TENM3: variants seen among roughly 807,000 people sequenced by gnomAD.
The protein encoded by TENM3 is teneurin-3.
A neutral mutation model predicts 255.1 loss-of-function variants in TENM3; 63 were observed. That is an observed-to-expected ratio of 0.25 (90% CI 0.20 to 0.30). The LOEUF (loss-of-function observed/expected upper bound fraction) is 0.30. TENM3 is among the 10% of genes least tolerant of loss of function. The probability of loss-of-function intolerance (pLI) is 1.00; values close to 1 mark genes in which losing one functional copy is unlikely to be tolerated. For synonymous variants in TENM3, 1,306 were observed against 1,322.3 expected (o/e 0.99, Z 0.27); for missense variants, 2,929 against 3,461.1 (o/e 0.85, Z 3.86).
the TENM3 span, among the ~76,000 whole-genome samples, chr4:181,863,437 G>T: frequency 6.6e-6 from 1 of 152,178 alleles, no homozygotes; most frequent in South Asian, 2.1e-4. Context: ...AATAGGAAAT[G>T]TAATGTACAT....
chr4:182,618,201 G>A (rs1749730276), intron 4 of TENM3, among the ~76,000 whole-genome samples: 1 of 152,050 alleles, frequency 6.6e-6, no homozygotes, highest in Admixed American at 6.6e-5. Context: ...TCCCATTGAG[G>A]AAATGACTCA....
intron 1 of TENM3, among the ~76,000 whole-genome samples, chr4:182,290,886 T>C (rs1375976640): frequency 6.6e-6 from 1 of 151,586 alleles, no homozygotes; most frequent in African/African-American, 2.4e-5. Context: ...GGTGGCACAA[T>C]CTCTGTTCAC....
chr4:182,697,554 A>T (rs34195417), intron 12 of TENM3, among the ~76,000 whole-genome samples: 1 of 152,020 alleles, frequency 6.6e-6, no homozygotes, highest in Non-Finnish European at 1.5e-5. Context: ...GACAGAGGGG[A>T]TAGAGATCCC....
the TENM3 span, among the ~76,000 whole-genome samples, chr4:181,588,891 C>T: frequency 6.6e-6 from 1 of 152,142 alleles, no homozygotes; most frequent in African/African-American, 2.4e-5. Context: ...ATGTCAACCC[C>T]ATAGAGAGGA....
intron 3 of TENM3, among the ~76,000 whole-genome samples, chr4:182,506,664 A>G (rs987306316): frequency 6.6e-6 from 1 of 152,238 alleles, no homozygotes; most frequent in Admixed American, 6.5e-5. Context: ...TGTACTCCAA[A>G]TATATTTACA....
chr4:181,888,494 G>GTATATATA, the TENM3 span, among the ~76,000 whole-genome samples: 937 of 27,762 alleles, frequency 0.034, 26 homozygotes, highest in Non-Finnish European at 0.04. Flanking sequence ...ATAGAAATGT[G>GTATATATA]TATATATATA....
At chr4:182,635,879 T>C (rs1377231455) in intron 5 of TENM3, among the ~76,000 whole-genome samples, 2 of 152,232 alleles carry the variant, frequency 1.3e-5, no homozygotes, top group Admixed American at 6.5e-5. Flanking sequence ...AAATTGATTA[T>C]GGTAGTAGCT....
At chr4:182,301,485 T>C (rs1329826855) in intron 1 of TENM3, among the ~76,000 whole-genome samples, 1 of 152,210 alleles carries the variant, frequency 6.6e-6, no homozygotes, top group Non-Finnish European at 1.5e-5. Flanking sequence ...TTAATTGAGG[T>C]TAGCAAGAAA....
chr4:182,092,327 T>TATAA, the TENM3 span, among the ~76,000 whole-genome samples: 21,681 of 151,074 alleles, frequency 0.14, 1,638 homozygotes, highest in Non-Finnish European at 0.17. Context: ...AAATAGCCTG[T>TATAA]ATAAATAAAT....
the TENM3 span, among the ~76,000 whole-genome samples, chr4:181,977,512 T>C: frequency 6.6e-6 from 1 of 152,030 alleles, no homozygotes; most frequent in Non-Finnish European, 1.5e-5. Context: ...TTTGGAAAAA[T>C]GAAGAGACAG....
intron 3 of TENM3, among the ~76,000 whole-genome samples, chr4:182,411,510 G>A (rs1769983447): frequency 6.6e-6 from 1 of 152,180 alleles, no homozygotes; most frequent in African/African-American, 2.4e-5. Flanking sequence ...CTAAAATGCA[G>A]TTAAAAATGC....
At chr4:182,296,764 G>T (rs1200852278) in intron 1 of TENM3, among the ~76,000 whole-genome samples, 2 of 152,164 alleles carry the variant, frequency 1.3e-5, no homozygotes, top group Non-Finnish European at 2.9e-5. Context: ...TAAAACAAAA[G>T]AGCTCAATTT....
chr4:181,806,555 G>C, the TENM3 span, among the ~76,000 whole-genome samples: 34 of 152,302 alleles, frequency 2.2e-4, no homozygotes, highest in Non-Finnish European at 4.3e-4. Flanking sequence ...TTTTAAAAAG[G>C]GCTTCTTGGC....
the TENM3 span, among the ~76,000 whole-genome samples, chr4:181,746,654 A>T: frequency 0.77 from 117,153 of 151,924 alleles, 46,459 homozygotes; most frequent in East Asian, 0.94. Flanking sequence ...GACTCTGCTT[A>T]CTTAGGTACC....
At chr4:181,841,877 G>C in the TENM3 span, among the ~76,000 whole-genome samples, 534 of 152,246 alleles carry the variant, frequency 3.5e-3, 4 homozygotes, top group Middle Eastern at 0.02. Context: ...CCCCTTGAAT[G>C]TTAGCAGCAG....
chr4:182,087,697 G>A, the TENM3 span, among the ~76,000 whole-genome samples: 1 of 149,816 alleles, frequency 6.7e-6, no homozygotes, highest in Non-Finnish European at 1.5e-5. Flanking sequence ...CTCTCCATTC[G>A]GGGACACTTT....
the TENM3 span, among the ~76,000 whole-genome samples, chr4:181,700,864 AG>A: frequency 6.6e-6 from 1 of 152,216 alleles, no homozygotes; most frequent in Admixed American, 6.5e-5. Context: ...AGAATATTGA[AG>A]CAAATCATCT....
chr4:181,553,581 A>T, the TENM3 span, among the ~76,000 whole-genome samples: 1 of 151,752 alleles, frequency 6.6e-6, no homozygotes, highest in African/African-American at 2.4e-5. Context: ...AGCTGGGACT[A>T]CGGGTGCCTG....
the TENM3 span, among the ~76,000 whole-genome samples, chr4:181,945,321 T>C: frequency 6.6e-6 from 1 of 152,064 alleles, no homozygotes; most frequent in East Asian, 1.9e-4. Flanking sequence ...ATTAAAATAG[T>C]AATTCAGAAT....
Sources: allele counts gnomAD v4.1 joint callset (sites outside exome capture counted in the v4.1 genomes callset), GRCh38; gene constraint gnomAD v4.1.1; transcripts MANE v1.5; gene names NCBI Gene and HGNC (gene_info 2026-07-23, HGNC 2026-07-21).